ABTB3: variants seen among roughly 807,000 people sequenced by gnomAD.
The protein encoded by ABTB3 is ankyrin repeat- and BTB/POZ domain-containing protein 3.
At chr12:107,462,084 C>A in the ABTB3 span, among the ~76,000 whole-genome samples, 1 of 152,168 alleles carries the variant, frequency 6.6e-6, no homozygotes, top group Admixed American at 6.5e-5. Flanking sequence ...AGACTTCAAT[C>A]AGCCTCAGTT....
the ABTB3 span, among the ~76,000 whole-genome samples, chr12:107,501,706 A>G: frequency 7.9e-5 from 12 of 152,034 alleles, no homozygotes; most frequent in Admixed American, 2.6e-4. Flanking sequence ...TCTCAAAAAC[A>G]AAAAAAAGAA....
the ABTB3 span, among the ~76,000 whole-genome samples, chr12:107,490,312 C>T: frequency 6.6e-6 from 1 of 152,174 alleles, no homozygotes; most frequent in East Asian, 1.9e-4. Flanking sequence ...CAGATGGTGA[C>T]AATCTGGTCC....
chr12:107,602,029 C>G, the ABTB3 span, among the ~76,000 whole-genome samples: 1 of 152,190 alleles, frequency 6.6e-6, no homozygotes, highest in Non-Finnish European at 1.5e-5. Flanking sequence ...GAGTAAAACT[C>G]TCAGGGAACC....
chr12:107,491,275 A>G, the ABTB3 span, among the ~76,000 whole-genome samples: 1 of 152,156 alleles, frequency 6.6e-6, no homozygotes, highest in Non-Finnish European at 1.5e-5. Flanking sequence ...CCCAGCCTTC[A>G]CACCCTGTTC....
chr12:107,567,765 G>C, the ABTB3 span, among the ~76,000 whole-genome samples: 2 of 152,174 alleles, frequency 1.3e-5, no homozygotes, highest in Admixed American at 6.5e-5. Flanking sequence ...GCATGCAAGC[G>C]ATCTAGGTTG....
chr12:107,393,824 G>A, the ABTB3 span, among the ~76,000 whole-genome samples: 1 of 152,294 alleles, frequency 6.6e-6, no homozygotes, highest in East Asian at 1.9e-4. Context: ...CAGCTACTCA[G>A]GAGGCTGAGG....
chr12:107,569,231 C>T, the ABTB3 span, among the ~76,000 whole-genome samples: 1 of 152,198 alleles, frequency 6.6e-6, no homozygotes, highest in East Asian at 1.9e-4. Context: ...CTTTACATTC[C>T]TTTCTGGTTT....
chr12:107,577,189 C>G, the ABTB3 span, among the ~76,000 whole-genome samples: 3 of 152,150 alleles, frequency 2.0e-5, no homozygotes, highest in Non-Finnish European at 4.4e-5. Flanking sequence ...ACCTTATGGC[C>G]CACAAAGCCT....
chr12:107,571,644 C>T, the ABTB3 span, among the ~76,000 whole-genome samples: 1 of 152,262 alleles, frequency 6.6e-6, no homozygotes, highest in Non-Finnish European at 1.5e-5. Context: ...GCGGCAGCCT[C>T]ACACAGAGTC....
the ABTB3 span, chr12:107,649,346 C>G: frequency 1.4e-6 from 2 of 1,401,416 alleles, no homozygotes; most frequent in Non-Finnish European, 2.0e-6. Context: ...ACTCGGGTCA[C>G]CAGCCTGCAT....
the ABTB3 span, among the ~76,000 whole-genome samples, chr12:107,409,428 T>C: frequency 6.6e-6 from 1 of 152,266 alleles, no homozygotes; most frequent in South Asian, 2.1e-4. Context: ...CATTACTGGG[T>C]ATATACCCAA....
chr12:107,618,368 C>A, the ABTB3 span: 1 of 1,612,408 alleles, frequency 6.2e-7, no homozygotes, highest in South Asian at 1.1e-5. Flanking sequence ...CAATTGATAT[C>A]AGGAGCATAG....
chr12:107,476,524 A>G, the ABTB3 span, among the ~76,000 whole-genome samples: 1 of 152,074 alleles, frequency 6.6e-6, no homozygotes, highest in East Asian at 1.9e-4. Context: ...AATAAGGCAG[A>G]AATGTAGTAA....
chr12:107,322,029 T>C, the ABTB3 span, among the ~76,000 whole-genome samples: 344 of 152,196 alleles, frequency 2.3e-3, 3 homozygotes, highest in Non-Finnish European at 3.7e-3. Context: ...TTGCCTCATC[T>C]GTAAAATAGG....
the ABTB3 span, among the ~76,000 whole-genome samples, chr12:107,454,438 TA>T: frequency 6.6e-6 from 1 of 152,182 alleles, no homozygotes. Context: ...TATTAAGGGT[TA>T]GGGGGGTTCA....
the ABTB3 span, among the ~76,000 whole-genome samples, chr12:107,502,298 G>A: frequency 6.6e-6 from 1 of 151,872 alleles, no homozygotes; most frequent in East Asian, 1.9e-4. Flanking sequence ...TCAAACTCCT[G>A]ACCTAAAGTG....
the ABTB3 span, among the ~76,000 whole-genome samples, chr12:107,501,656 C>T: frequency 6.6e-5 from 10 of 152,110 alleles, no homozygotes; most frequent in East Asian, 9.7e-4. Context: ...GCTGAGATCA[C>T]GTCACTGCAC....
chr12:107,350,170 A>T, the ABTB3 span, among the ~76,000 whole-genome samples: 1 of 152,218 alleles, frequency 6.6e-6, no homozygotes, highest in African/African-American at 2.4e-5. Context: ...TAAGCCATTT[A>T]AAAATAAAAT....
At chr12:107,544,159 G>T in the ABTB3 span, 1 of 1,610,768 alleles carries the variant, frequency 6.2e-7, no homozygotes, top group Non-Finnish European at 8.5e-7. Flanking sequence ...GCCTTGCCTT[G>T]CCTTGTGGTG....
Sources: allele counts gnomAD v4.1 joint callset (sites outside exome capture counted in the v4.1 genomes callset), GRCh38; gene constraint gnomAD v4.1.1; transcripts MANE v1.5; gene names NCBI Gene and HGNC (gene_info 2026-07-23, HGNC 2026-07-21).